Variants in PTS observed in about 807,000 individuals in gnomAD.
The protein encoded by PTS is 6-pyruvoyltetrahydropterin synthase.
A neutral mutation model predicts 20.6 loss-of-function variants in PTS; 23 were observed. The ratio of observed to expected loss-of-function variants is 1.12; its 90% CI spans 0.80 to 1.58. The LOEUF is 1.58. Ranked by LOEUF, PTS falls within the 40% of genes most tolerant of loss-of-function variation. PTS has a pLI of 0.00. For missense variants in PTS, 186 were observed against 182.4 expected (o/e 1.02, Z -0.11); for synonymous variants, 65 against 62.5 (o/e 1.04, Z -0.19).
intron 2 of PTS, 23 bp downstream of exon 2, chr11:112,228,696 T>C: frequency 6.3e-7 from 1 of 1,583,134 alleles, no homozygotes; most frequent in Non-Finnish European, 8.7e-7. Flanking sequence ...CTGATGACAT[T>C]TCAGCCCTTC....
chr11:112,232,204 A>G (rs927169054), intron 4 of PTS, among the ~76,000 whole-genome samples: 5 of 152,102 alleles, frequency 3.3e-5, no homozygotes, highest in Non-Finnish European at 2.9e-5. Flanking sequence ...TGATTATGCC[A>G]CTTGCACTCC....
intron 1 of PTS, 29 bp downstream of exon 1, chr11:112,226,555 G>A (rs1229045318): frequency 1.1e-5 from 16 of 1,511,218 alleles, no homozygotes; most frequent in Non-Finnish European, 1.3e-5. Context: ...TACAGCGGCG[G>A]GCGGTGGGCG....
In PTS at chr11:112,226,439, G is replaced by A. The variant is rs1426620536; in HGVS notation, c.-5G>A. ...CGGCCGAGCACCGCAGACAGCGCCG[G>A]GAAGATGAGCACGGAAGGTGGTGGC... On this transcript the variant is annotated 5_prime_UTR_variant, in exon 1 of 6. Coordinates refer to ENST00000280362, the MANE Select transcript of PTS (RefSeq NM_000317.3). 18 of 1,577,450 alleles carry A rather than the reference G, an allele frequency of 1.1e-5. No homozygotes were observed. The highest frequency in any genetic ancestry group is 1.5e-5 in the Non-Finnish European group (18 of 1,163,634).
At chr11:112,227,515 T>G (rs1025583750) in intron 1 of PTS, among the ~76,000 whole-genome samples, 1 of 152,006 alleles carries the variant, frequency 6.6e-6, no homozygotes, top group African/African-American at 2.4e-5. Flanking sequence ...GAAAAGAGGT[T>G]TATTTGGTTC....
At chr11:112,229,474 C>T (rs769732942) in intron 2 of PTS, 4 of 152,068 alleles carry the variant, frequency 2.6e-5, no homozygotes, top group African/African-American at 7.2e-5. Context: ...TCACTACAAC[C>T]TCCACCTCCC....
chr11:112,231,619 T>C (rs1859931539), intron 4 of PTS, among the ~76,000 whole-genome samples: 1 of 152,208 alleles, frequency 6.6e-6, no homozygotes, highest in Non-Finnish European at 1.5e-5. Flanking sequence ...CTTATTCATA[T>C]ATTCAACAAA....
At chr11:112,227,199 C>G (rs1228250369) in intron 1 of PTS, among the ~76,000 whole-genome samples, 1 of 152,078 alleles carries the variant, frequency 6.6e-6, no homozygotes, top group East Asian at 1.9e-4. Flanking sequence ...CAGCTCCACC[C>G]TCTGGCCCTC....
At position 112,228,837 on chromosome 11, in the gene PTS, G is replaced by C. The variant is rs1018194863; in HGVS notation, c.163+164G>C. 5 of 694,164 alleles carry C rather than the reference G, an allele frequency of 7.2e-6. No individual in the cohort carries two copies. The African/African-American group carries it at 9.0e-5, about 12-fold the overall frequency. The allele number at this position is 694,164 out of a possible 1,614,324, so 43.0% of individuals were successfully genotyped here. On this transcript the variant is annotated intron_variant, in intron 2 of 5. Coordinates refer to ENST00000280362, the MANE Select transcript of PTS (RefSeq NM_000317.3). ...CAGAATGAAAGGATCTGTTGTCTTG[G>C]TTGGGTGTGTGTTAAGTTTTACCTT...
chr11:112,228,295 G>T, intron 1 of PTS: 1 of 418,580 alleles, frequency 2.4e-6, no homozygotes, highest in Non-Finnish European at 4.3e-6. Context: ...CAGTAATGTT[G>T]AATTGAAAAG....
At chr11:112,233,075 A>T in intron 4 of PTS, 88 bp from the exon 5 acceptor site, 1 of 1,189,586 alleles carries the variant, frequency 8.4e-7, no homozygotes, top group Non-Finnish European at 1.3e-6. Flanking sequence ...GCTAAGTGAT[A>T]AGGTGAGGTT....
intron 4 of PTS, 26 bp downstream of exon 4, chr11:112,230,708 T>C (rs1185718872): frequency 1.9e-6 from 3 of 1,578,616 alleles, no homozygotes; most frequent in African/African-American, 1.4e-5. Context: ...GTGCTTATTA[T>C]GTGCTATTCC....
chr11:112,230,769 C>T (rs1360674835), intron 4 of PTS, 87 bp downstream of exon 4: 2 of 1,163,288 alleles, frequency 1.7e-6, no homozygotes, highest in Non-Finnish European at 1.3e-6. Flanking sequence ...CCAGTTATCT[C>T]CTAAGGTTCC....
chr11:112,228,757 CT>C, intron 2 of PTS, 84 bp downstream of exon 2: 1 of 1,216,726 alleles, frequency 8.2e-7, no homozygotes, highest in Non-Finnish European at 1.2e-6. Context: ...AATGGGAAAA[CT>C]TACGGACACA....
rs750529904 is a variant in PTS at position 112,233,444 on chromosome 11, T to C, written c.327T>C (p.Asn109=). The C allele has an allele frequency of 6.2e-7, 1 of 1,612,326 alleles. No individual in the cohort carries two copies. The highest frequency in any genetic ancestry group is 1.1e-5 in the South Asian group (1 of 90,308). ...TTTTTTCTTATAGCACGACTGAAAA[T>C]GTAGCTGTTTATATCTGGGACAACC... ...YFADVVSTTE[N]VAVYIWDNLQ... The change falls in exon 6 of 6, where the codon AAT becomes AAC. Residue 109 remains asparagine (N), a synonymous_variant. Coordinates refer to ENST00000280362, the MANE Select transcript of PTS (RefSeq NM_000317.3).
chr11:112,226,585 C>T (rs1181684712), intron 1 of PTS, 59 bp downstream of exon 1: 18 of 1,432,032 alleles, frequency 1.3e-5, no homozygotes, highest in Admixed American at 2.5e-5. Flanking sequence ...GGAACGTCAC[C>T]GGGGCGGGGC....
In PTS at chr11:112,230,205, TA is replaced by T; in HGVS notation, c.164-2del. On this transcript the variant is annotated splice_acceptor_variant, in intron 2 of 5. Coordinates refer to ENST00000280362, the MANE Select transcript of PTS (RefSeq NM_000317.3). LOFTEE classifies it high-confidence loss of function. ...TTTTTTGTATTTTGTTTTCTTTCCA[TA>T]GTTGTGGTGACAGTACATGGAGAGG... 2 of 1,613,324 alleles carry T rather than the reference TA, an allele frequency of 1.2e-6. No homozygotes were observed. Among genetic ancestry groups the T allele is most frequent in the Non-Finnish European group, 1.7e-6 (2 of 1,179,260 alleles).
intron 1 of PTS, 58 bp from the exon 2 acceptor site, chr11:112,228,536 A>G (rs1289173579): frequency 8.6e-6 from 12 of 1,388,322 alleles, no homozygotes. Context: ...AGGAACAGAG[A>G]AGGGGGTTTG....
intron 4 of PTS, among the ~76,000 whole-genome samples, chr11:112,232,391 GTTT>G (rs1859950521): frequency 6.6e-6 from 1 of 150,678 alleles, no homozygotes; most frequent in African/African-American, 2.5e-5. Flanking sequence ...TTCAATAACT[GTTT>G]GATCTAGGAC....
chr11:112,233,819 T>A lies in PTS; in HGVS notation c.*264T>A, dbSNP rs1249433356. On this transcript the variant is annotated 3_prime_UTR_variant, in exon 6 of 6. Transcript: ENST00000280362. The stretch of plus-strand genomic sequence containing the variant: ...ACTTCATTTTCACAAAATGTTTTGG[T>A]GTGGGATTATTTGAAAGCAAAAGAA... The A allele has an allele frequency of 1.7e-5, 5 of 296,878 alleles. No homozygotes were observed. Among genetic ancestry groups the A allele is most frequent in the African/African-American group, 8.8e-5 (4 of 45,592 alleles). The allele number at this position is 296,878 out of a possible 1,614,324, so 18.4% of individuals were successfully genotyped here. A position where few individuals can be genotyped will look rare whatever the true frequency, so the allele number is the denominator to read the frequency against.
Sources: gnomAD v4.1 joint callset for allele counts (sites outside exome capture counted in the v4.1 genomes callset) on GRCh38, gnomAD v4.1.1 for gene constraint, MANE v1.5 for transcripts, NCBI Gene and HGNC (gene_info 2026-07-23, HGNC 2026-07-21) for gene names.